ZNF653: variants seen among roughly 807,000 people sequenced by gnomAD.
The protein encoded by ZNF653 is 67 kDa zinc finger protein.
ZNF653 carries 37 observed loss-of-function variants against 59.9 expected under a neutral mutation model. That is an observed-to-expected ratio of 0.62 (90% CI 0.48 to 0.81). The LOEUF (loss-of-function observed/expected upper bound fraction) is 0.81. ZNF653 is among the 40% of genes least tolerant of loss of function. The pLI, the probability that ZNF653 is intolerant of heterozygous loss-of-function variation, is 0.00. For missense variants in ZNF653, 808 were observed against 881.1 expected (o/e 0.92, Z 1.05); for synonymous variants, 435 against 371.8 (o/e 1.17, Z -1.96).
At chr19:11,502,292 C>T (rs1023564571) in intron 1 of ZNF653, among the ~76,000 whole-genome samples, 1 of 150,978 alleles carries the variant, frequency 6.6e-6, no homozygotes, top group Non-Finnish European at 1.5e-5. Context: ...GGGTTTTGGC[C>T]TATTGGTCAG....
chr19:11,488,127 A>G (rs1021586765), intron 3 of ZNF653, among the ~76,000 whole-genome samples: 7 of 148,958 alleles, frequency 4.7e-5, no homozygotes, highest in African/African-American at 1.7e-4. Context: ...AGCTGGGACT[A>G]CAGGTGTGCG....
Position 11,496,181 on chromosome 19 carries a change from C to T in ZNF653, c.344-16G>A, listed in dbSNP as rs780478891. The stretch of plus-strand genomic sequence containing the variant: ...CGTCGCCGCCCTATGGACACAGGGC[C>T]GAGGAGTGGGTATAAGGGACAGGGC... On this transcript the variant is annotated splice_polypyrimidine_tract_variant and intron_variant, in intron 2 of 8. Transcript: ENST00000293771. The T allele has an allele frequency of 4.9e-5, 79 of 1,610,440 alleles. No homozygotes were observed. Among genetic ancestry groups the T allele is most frequent in the East Asian group, 1.8e-4 (8 of 44,816 alleles).
At chr19:11,504,002 G>A (rs1036759638) in intron 1 of ZNF653, among the ~76,000 whole-genome samples, 1 of 152,158 alleles carries the variant, frequency 6.6e-6, no homozygotes, top group Non-Finnish European at 1.5e-5. Context: ...CTACTCAGGA[G>A]GCGGAGGTAA....
intron 3 of ZNF653, among the ~76,000 whole-genome samples, chr19:11,488,604 CTT>C (rs111509713): frequency 7.0e-6 from 1 of 143,206 alleles, no homozygotes; most frequent in Non-Finnish European, 1.6e-5. Context: ...CTTTTCTTTT[CTT>C]TTTTTTTTTG....
At position 11,483,631 on chromosome 19, in the gene ZNF653, G is replaced by C. The variant is rs759286304; in HGVS notation, c.*51C>G. On this transcript the variant is annotated 3_prime_UTR_variant, in exon 9 of 9. Transcript: ENST00000293771. Reference sequence around the variant, plus strand: ...GCTGTCCAGGCCCCGGCAAGCCCGGGCGTGGTGTCCGAGCGGACGAATAAA... The same window carrying C: ...GCTGTCCAGGCCCCGGCAAGCCCGGCCGTGGTGTCCGAGCGGACGAATAAA... 362 of 1,586,166 alleles carry C rather than the reference G, an allele frequency of 2.3e-4. No individual in the cohort carries two copies. The highest frequency in any genetic ancestry group is 2.8e-4 in the Non-Finnish European group (322 of 1,160,262).
At chr19:11,490,410 A>G (rs1971518357) in intron 3 of ZNF653, among the ~76,000 whole-genome samples, 1 of 152,152 alleles carries the variant, frequency 6.6e-6, no homozygotes, top group Non-Finnish European at 1.5e-5. Context: ...TTTTTGAGAC[A>G]GAGCCTTGCT....
intron 1 of ZNF653, chr19:11,505,137 ACCGGTG>A: frequency 4.2e-6 from 1 of 238,508 alleles, no homozygotes. Context: ...GGAGGATGAG[ACCGGTG>A]AGGGGGCGGG....
rs1421469085 is a variant in ZNF653, at chr19:11,505,709, C to G, written c.78G>C (p.Glu26Asp). ...CCCGCGCCTTTCGGCCCGCTGCGCC[C>G]TCCTCGGCTGCTGCCTCCCCGCCCG... Reference protein sequence around the residue: ...AGAGGEAAAEEGAAGRKARGR... With the variant: ...AGAGGEAAAEDGAAGRKARGR... Residue 26 changes from glutamate (E) to aspartate (D), a missense_variant, in exon 1 of 9, where the codon GAG (glutamate) becomes GAC (aspartate). Physicochemically the swap from Glu to Asp is conservative, Grantham distance 45. Transcript: ENST00000293771. 6.7e-7 allele frequency: 1 copy of G among 1,482,744 alleles called. No individual in the cohort carries two copies. Among genetic ancestry groups the G allele is most frequent in the Non-Finnish European group, 8.9e-7 (1 of 1,125,738 alleles). The allele number at this position is 1,482,744 out of a possible 1,614,324, so 91.8% of individuals were successfully genotyped here. A position where few individuals can be genotyped will look rare whatever the true frequency, so the allele number is the denominator to read the frequency against.
chr19:11,505,580 C>T lies in ZNF653; in HGVS notation c.207G>A (p.Trp69Ter). Residue 69 changes from tryptophan to a stop codon, truncating the protein, a stop_gained, in exon 1 of 9, where the codon TGG (tryptophan) becomes TGA (stop). Transcript: ENST00000293771. LOFTEE classifies it high-confidence loss of function. ...AGCCGCTGCGGCGCCGCAGGTCCAC[C>T]CAGGGCCCGTGCGCCTCGCCCAGGT... Reference protein sequence around the residue: ...RVYLGEAHGPWVDLRRRSGWS... With the variant: ...RVYLGEAHGP The T allele has an allele frequency of 6.6e-7, 1 of 1,514,688 alleles. No individual in the cohort carries two copies. The highest frequency in any genetic ancestry group is 8.8e-7 in the Non-Finnish European group (1 of 1,140,252). The allele number at this position is 1,514,688 out of a possible 1,614,324, so 93.8% of individuals were successfully genotyped here. A position where few individuals can be genotyped will look rare whatever the true frequency, so the allele number is the denominator to read the frequency against.
At chr19:11,485,884 G>A (rs971492856) in intron 6 of ZNF653, 114 bp from the exon 7 acceptor site, 8 of 761,860 alleles carry the variant, frequency 1.1e-5, no homozygotes, top group African/African-American at 8.6e-5. Context: ...CCCAGGAGGA[G>A]GGAAGAGGGG....
chr19:11,487,710 C>T lies in ZNF653; in HGVS notation c.753G>A (p.Val251=), dbSNP rs1568393779. The T allele has an allele frequency of 6.2e-7, 1 of 1,613,762 alleles. No homozygotes were observed. The highest frequency in any genetic ancestry group is 8.5e-7 in the Non-Finnish European group (1 of 1,179,940). Residue 251 remains valine (V), a synonymous_variant, in exon 4 of 9, where the codon GTG becomes GTA. Coordinates refer to ENST00000293771, the MANE Select transcript of ZNF653 (RefSeq NM_138783.4). The surrounding 1 kb of genome is among the most constrained non-coding windows in gnomAD (Gnocchi z 5.1). ...GGGTACCCTGCTCGGCCAGGCTTTC[C>T]ACGTGGTGGACGTCAAAGGGAATGT... The part of the protein sequence containing the change: ...GVHIPFDVHH[V]ESLAEQGTPL...
Position 11,487,339 on chromosome 19 carries a change from G to C in ZNF653, c.1124C>G (p.Pro375Arg). Residue 375 changes from proline to arginine, a missense_variant, in exon 4 of 9, where the codon CCT (proline) becomes CGT (arginine). Coordinates refer to ENST00000293771, the MANE Select transcript of ZNF653 (RefSeq NM_138783.4). This position sits in a 1 kb window ranked among gnomAD's most constrained non-coding sequence, Gnocchi z 5.1. ...TACTGCGGTGGCGTCCATGGTGCTA[G>C]GCTGGCTACCCTCGGGCTCTGTCTG... Reference protein sequence around the residue: ...YTQTEPEGSQPSTMDATAVAG... With the variant: ...YTQTEPEGSQRSTMDATAVAG... 6.2e-7 allele frequency: 1 copy of C among 1,613,724 alleles called. No individual in the cohort carries two copies. Among genetic ancestry groups the C allele is most frequent in the Non-Finnish European group, 8.5e-7 (1 of 1,179,942 alleles).
At chr19:11,505,396 G>C in intron 1 of ZNF653, 92 bp downstream of exon 1, 1 of 1,290,490 alleles carries the variant, frequency 7.7e-7, no homozygotes, top group Non-Finnish European at 1.0e-6. Context: ...CAGGTGCCGG[G>C]GGCTGGCCCT....
In ZNF653 at chr19:11,485,770, T is replaced by A; in HGVS notation, c.1456A>T (p.Asn486Tyr). 6.2e-7 allele frequency: 1 copy of A among 1,613,036 alleles called. No homozygotes were observed. Among genetic ancestry groups the A allele is most frequent in the Non-Finnish European group, 8.5e-7 (1 of 1,179,228 alleles). ...TTCCGATGCACAAGATTGACGTGGT[T>A]CTGGAGACGAGACAGGCAGAAGTGG... is the stretch of plus-strand genomic sequence containing the variant. ...QVYVALSSFQNHVNLVHRKGK... is the reference protein window; with the variant it reads ...QVYVALSSFQYHVNLVHRKGK... Residue 486 changes from asparagine (N) to tyrosine (Y), a missense_variant and splice_region_variant, in exon 7 of 9, where the codon AAC becomes TAC. Asn to Tyr is a moderately radical substitution (Grantham distance 143, BLOSUM62 -2). Coordinates refer to ENST00000293771, the MANE Select transcript of ZNF653 (RefSeq NM_138783.4).
chr19:11,486,344 C>T (rs1350302889), intron 6 of ZNF653, among the ~76,000 whole-genome samples: 1 of 152,156 alleles, frequency 6.6e-6, no homozygotes, highest in Non-Finnish European at 1.5e-5. Context: ...GCTGTTAGCC[C>T]AATTAATCGA....
Position 11,483,871 on chromosome 19 carries a change from C to T in ZNF653, c.1671-12G>A. On this transcript the variant is annotated splice_polypyrimidine_tract_variant and intron_variant, in intron 8 of 8. Coordinates refer to ENST00000293771, the MANE Select transcript of ZNF653 (RefSeq NM_138783.4). ...CACAGATCTCGCACCTGCCGGGAGC[C>T]CGTGGCGGGACGGGGCGGGGTCAGA... 6.6e-7 allele frequency: 1 copy of T among 1,521,530 alleles called. No homozygotes were observed. Among genetic ancestry groups the T allele is most frequent in the Non-Finnish European group, 8.8e-7 (1 of 1,131,732 alleles). The allele number at this position is 1,521,530 out of a possible 1,614,324, so 94.3% of individuals were successfully genotyped here.
chr19:11,485,701 ACTT>A lies in ZNF653; in HGVS notation c.1522_1524del (p.Lys508del). 1 of 1,613,910 alleles carries A rather than the reference ACTT, an allele frequency of 6.2e-7. No individual in the cohort carries two copies. The highest frequency in any genetic ancestry group is 8.5e-7 in the Non-Finnish European group (1 of 1,179,950). On this transcript the variant is annotated inframe_deletion, in exon 7 of 9. Coordinates refer to ENST00000293771, the MANE Select transcript of ZNF653 (RefSeq NM_138783.4). Reference sequence around the variant, plus strand: ...CGCCGCAGGTGGTTGGATAAATAGAACTTCTTGCCACAGCCAGGATGAGGGCAC... The same window carrying A: ...CGCCGCAGGTGGTTGGATAAATAGAACTTGCCACAGCCAGGATGAGGGCAC...
At chr19:11,490,800 C>A (rs1002811796) in intron 3 of ZNF653, among the ~76,000 whole-genome samples, 6 of 152,148 alleles carry the variant, frequency 3.9e-5, no homozygotes, top group African/African-American at 1.4e-4. Flanking sequence ...CATTGGCCCC[C>A]TAAGAGTGTC....
intron 1 of ZNF653, among the ~76,000 whole-genome samples, chr19:11,502,495 G>A (rs146206422): frequency 3.3e-5 from 5 of 152,250 alleles, no homozygotes; most frequent in East Asian, 1.9e-4. Flanking sequence ...ATCACAATGT[G>A]TACCCCATCC....
Sources: allele counts gnomAD v4.1 joint callset (sites outside exome capture counted in the v4.1 genomes callset), GRCh38; gene constraint gnomAD v4.1.1; non-coding constraint Gnocchi (gnomAD v3.1); transcripts MANE v1.5; gene names NCBI Gene and HGNC (gene_info 2026-07-23, HGNC 2026-07-21).